Variants in ZNF667 observed in about 807,000 individuals in gnomAD.
The protein encoded by ZNF667 is myocardial ischemic preconditioning upregulated 1 ortholog.
ZNF667 carries 13 observed loss-of-function variants against 31.8 expected under a neutral mutation model. The ratio of observed to expected loss-of-function variants is 0.41; its 90% confidence interval spans 0.27 to 0.65. ZNF667 has a LOEUF of 0.65. Among genes scored for constraint, ZNF667 ranks in the 30% least tolerant of loss-of-function variants. ZNF667 has a pLI of 0.32. For missense variants in ZNF667, 642 were observed against 725.6 expected, an observed-to-expected ratio of 0.88 and a Z score of 1.32; for synonymous variants, 228 against 247.1, an observed-to-expected ratio of 0.92 and a Z score of 0.73.
rs764445032 is a variant in ZNF667, at chr19:56,441,252, T to G, written c.1743A>C (p.Lys581Asn). 6.2e-7 allele frequency: 1 copy of G among 1,614,100 alleles called. No individual in the cohort carries two copies. Among genetic ancestry groups the G allele is most frequent in the Non-Finnish European group, 8.5e-7 (1 of 1,179,968 alleles). Reference protein sequence around the residue: ...IRHQRSHSSEKPYECSKCGKA... With the variant: ...IRHQRSHSSENPYECSKCGKA... ...TCCCACATTTACTACATTCATAGGG[T>G]TTCTCTGAAGAATGACTTCTCTGAT... is the stretch of plus-strand genomic sequence containing the variant. The change falls in exon 7 of 7, where the codon AAA (lysine) becomes AAC (asparagine). Residue 581 changes from lysine (K) to asparagine (N), a missense_variant. Coordinates refer to ENST00000504904, the MANE Select transcript of ZNF667 (RefSeq NM_001321356.2). This position sits in a 1 kb window ranked among gnomAD's most constrained non-coding sequence, Gnocchi z 4.2.
intron 1 of ZNF667, among the ~76,000 whole-genome samples, chr19:56,476,475 A>G (rs1216084891): frequency 6.6e-6 from 1 of 152,130 alleles, no homozygotes; most frequent in Non-Finnish European, 1.5e-5. Flanking sequence ...AAGAAAAACG[A>G]CCACCAGCAC....
chr19:56,455,025 T>C (rs1195444028), intron 6 of ZNF667, among the ~76,000 whole-genome samples: 1 of 152,118 alleles, frequency 6.6e-6, no homozygotes, highest in African/African-American at 2.4e-5. Flanking sequence ...AAAGATCTGA[T>C]AGACATTTCT....
rs766307459 is a variant in ZNF667 at position 56,441,275 on chromosome 19, G to A, written c.1720C>T (p.Gln574Ter). The A allele has an allele frequency of 7.4e-6, 12 of 1,614,066 alleles. No individual in the cohort carries two copies. The highest frequency in any genetic ancestry group is 1.0e-5 in the Non-Finnish European group (12 of 1,179,982). Residue 574 changes from glutamine to a stop codon, truncating the protein, a stop_gained, in exon 7 of 7, where the codon CAG becomes TAG. Coordinates refer to ENST00000504904, the MANE Select transcript of ZNF667 (RefSeq NM_001321356.2). LOFTEE classifies it high-confidence loss of function. The surrounding 1 kb of genome is among the most constrained non-coding windows in gnomAD (Gnocchi z 4.2). ...GGTTTCTCTGAAGAATGACTTCTCT[G>A]ATGTCGAATAAGGTCTGAGCCACTG... ...FSSGSDLIRH[Q>*]RSHSSEKPYE...
rs561430070 is a variant in ZNF667 at position 56,477,274 on chromosome 19, C to A, written c.-664G>T. ...CACACTCTCGCCAGCCCCCTTACCT[C>A]GGTCTTCCCGGGCTCAGACCCCGGC... On this transcript the variant is annotated splice_region_variant and 5_prime_UTR_variant, in exon 1 of 7. Transcript: ENST00000504904. The A allele has an allele frequency of 1.3e-5, 2 of 152,238 alleles. No individual in the cohort carries two copies. The highest frequency in any genetic ancestry group is 4.8e-5 in the African/African-American group (2 of 41,554). 9.4% of individuals were successfully genotyped at this position (152,238 alleles called of 1,614,324 possible).
chr19:56,462,371 C>A lies in ZNF667; in HGVS notation c.-1G>T, dbSNP rs753460699. 1 of 1,614,078 alleles carries A rather than the reference C, an allele frequency of 6.2e-7. No individual in the cohort carries two copies. The highest frequency in any genetic ancestry group is 1.3e-5 in the African/African-American group (1 of 74,918). On this transcript the variant is annotated 5_prime_UTR_variant, in exon 4 of 7. Coordinates refer to ENST00000504904, the MANE Select transcript of ZNF667 (RefSeq NM_001321356.2). ...TGGATTTCCCCCGTGCAGAAGGCAT[C>A]CTTTCCTCCCCCTTTAGGGTCCACA...
chr19:56,475,413 C>G (rs1207552062), intron 1 of ZNF667: 1 of 152,386 alleles, frequency 6.6e-6, no homozygotes, highest in African/African-American at 2.4e-5. Context: ...ACTCTTCTCC[C>G]TGTCATCATG....
At chr19:56,452,878 C>T (rs2042862368) in intron 6 of ZNF667, among the ~76,000 whole-genome samples, 2 of 150,992 alleles carry the variant, frequency 1.3e-5, no homozygotes, top group African/African-American at 4.9e-5. Context: ...GAGATTGTGC[C>T]ACTGCACTCC....
chr19:56,462,954 T>G (rs535678238), intron 3 of ZNF667, among the ~76,000 whole-genome samples: 1 of 152,202 alleles, frequency 6.6e-6, no homozygotes, highest in East Asian at 1.9e-4. Context: ...TATGAGAGCA[T>G]GAGCCATGTG....
At chr19:56,464,820 G>T (rs1184233384) in intron 3 of ZNF667, among the ~76,000 whole-genome samples, 1 of 152,170 alleles carries the variant, frequency 6.6e-6, no homozygotes, top group Non-Finnish European at 1.5e-5. Context: ...GCATAGAGCA[G>T]GTGCTCAATA....
chr19:56,460,731 C>T lies in ZNF667; in HGVS notation c.118G>A (p.Glu40Lys). 2 of 1,612,392 alleles carry T rather than the reference C, an allele frequency of 1.2e-6. No individual in the cohort carries two copies. The highest frequency in any genetic ancestry group is 1.7e-6 in the Non-Finnish European group (2 of 1,179,364). Residue 40 changes from glutamate to lysine, a missense_variant, in exon 5 of 7, where the codon GAA becomes AAA. Glu to Lys is a moderately conservative substitution (Grantham distance 56). Transcript: ENST00000504904. ...CGGTAATTCTCCAACATGACATCTT[C>T]ATACAAATCCTTCTGAATGGGGCTC... is the stretch of plus-strand genomic sequence containing the variant. ...WLSPIQKDLY[E>K]DVMLENYRNL...
At chr19:56,471,222 A>G (rs1383598824) in intron 3 of ZNF667, among the ~76,000 whole-genome samples, 2 of 151,566 alleles carry the variant, frequency 1.3e-5, no homozygotes, top group African/African-American at 4.9e-5. Flanking sequence ...GCCTTCTGCC[A>G]TGAGTAAAAG....
In ZNF667 at chr19:56,450,014, A is replaced by G. The variant is rs115308521; in HGVS notation, c.254-7273T>C. ...ACCCAAAAGGGCATATCTAGGAGTT[A>G]GTGGCTTAAAGAGAAGGCAGAGAGA... On this transcript the variant is annotated intron_variant, in intron 6 of 6. Transcript: ENST00000504904. Among the ~76,000 whole-genome samples the G allele has an allele frequency of 5.6e-3, 853 of 151,994 alleles. 4 individuals carry two copies. The highest frequency in any genetic ancestry group is 0.019 in the African/African-American group (793 of 41,444).
chr19:56,460,629 C>A, intron 5 of ZNF667, 60 bp downstream of exon 5: 2 of 1,546,524 alleles, frequency 1.3e-6, no homozygotes, highest in South Asian at 2.5e-5. Context: ...TGACTAGACC[C>A]AGAGTGATGC....
Position 56,440,639 on chromosome 19 carries a change from A to ACTT in ZNF667, c.*522_*523insAAG. The ACTT allele has an allele frequency of 5.6e-6, 5 of 900,682 alleles. No homozygotes were observed. In the African/African-American group the frequency reaches 6.6e-5, roughly 12 times the overall value. The allele number at this position is 900,682 out of a possible 1,614,324, so 55.8% of individuals were successfully genotyped here. A position where few individuals can be genotyped will look rare whatever the true frequency, so the allele number is the denominator to read the frequency against. On this transcript the variant is annotated 3_prime_UTR_variant, in exon 7 of 7. Transcript: ENST00000504904. Reference sequence around the variant, plus strand: ...ACTATGCTGGAAGTAAAATATCGGTAATTTTTTTTTTTTTTGACACAGAGT... The same window carrying ACTT: ...ACTATGCTGGAAGTAAAATATCGGTACTTATTTTTTTTTTTTTTGACACAGAGT...
At chr19:56,468,115 C>T (rs1161434486) in intron 3 of ZNF667, 2 of 152,222 alleles carry the variant, frequency 1.3e-5, no homozygotes, top group Non-Finnish European at 2.9e-5. Flanking sequence ...ATACAAAAGA[C>T]ATGTAAAAGA....
chr19:56,458,856 A>G (rs926473118), intron 5 of ZNF667, among the ~76,000 whole-genome samples: 2 of 152,200 alleles, frequency 1.3e-5, no homozygotes, highest in South Asian at 2.1e-4. Flanking sequence ...GTTGGTAAGC[A>G]TAAGTAAAGC....
chr19:56,477,438 G>A (rs1183810354), upstream of ZNF667: 1 of 152,078 alleles, frequency 6.6e-6, no homozygotes, highest in African/African-American at 2.4e-5. Flanking sequence ...AAGGCCACGC[G>A]GCGTGCGCTC....
intron 6 of ZNF667, among the ~76,000 whole-genome samples, chr19:56,457,768 T>C (rs1265915706): frequency 6.6e-6 from 1 of 152,148 alleles, no homozygotes; most frequent in Admixed American, 6.5e-5. Flanking sequence ...CTGCAACAGA[T>C]TGAACGTTTA....
At chr19:56,455,225 G>C (rs1260595236) in intron 6 of ZNF667, among the ~76,000 whole-genome samples, 2 of 152,178 alleles carry the variant, frequency 1.3e-5, no homozygotes, top group East Asian at 3.8e-4. Flanking sequence ...CTGTGGGAAT[G>C]TAAATTAGTA....
Sources: gnomAD v4.1 joint callset for allele counts (sites outside exome capture counted in the v4.1 genomes callset) on GRCh38, gnomAD v4.1.1 for gene constraint, Gnocchi (gnomAD v3.1) non-coding constraint, MANE v1.5 for transcripts, NCBI Gene and HGNC (gene_info 2026-07-23, HGNC 2026-07-21) for gene names.